DPP6: variants seen among roughly 807,000 people sequenced by gnomAD.
DPP6 encodes the protein dipeptidyl peptidase like 6.
DPP6 carries 69 observed loss-of-function variants against 122.6 expected under a neutral mutation model. That is an observed-to-expected ratio of 0.56 (90% confidence interval 0.46 to 0.69). The LOEUF (loss-of-function observed/expected upper bound fraction) is 0.69. Among genes scored for constraint, DPP6 ranks in the 30% least tolerant of loss-of-function variants. The pLI is 0.00. For synonymous variants in DPP6, 418 were observed against 433.1 expected (o/e 0.97, Z 0.43); for missense variants, 928 against 1,116.9 (o/e 0.83, Z 2.41).
intron 1 of DPP6, among the ~76,000 whole-genome samples, chr7:153,950,325 G>A (rs906586980): frequency 6.6e-6 from 1 of 152,106 alleles, no homozygotes; most frequent in African/African-American, 2.4e-5. Context: ...CAAGAGAGCC[G>A]CTGAAACTTC....
chr7:154,402,798 A>T (rs1052294466), intron 1 of DPP6, among the ~76,000 whole-genome samples: 5 of 151,266 alleles, frequency 3.3e-5, no homozygotes, highest in Non-Finnish European at 5.9e-5. Flanking sequence ...ATAAAAATAA[A>T]ACTCTGGGAT....
At chr7:153,947,267 A>G (rs1271400288) in intron 1 of DPP6, among the ~76,000 whole-genome samples, 2 of 152,046 alleles carry the variant, frequency 1.3e-5, no homozygotes, top group Non-Finnish European at 2.9e-5. Context: ...TTAACAGCGG[A>G]AACCTACTGG....
chr7:154,636,429 T>C (rs533173979), intron 5 of DPP6, among the ~76,000 whole-genome samples: 1 of 152,244 alleles, frequency 6.6e-6, no homozygotes, highest in South Asian at 2.1e-4. Context: ...CCGGCAGAAA[T>C]AGAAAAAGGA....
chr7:153,816,762 G>A, the DPP6 span, among the ~76,000 whole-genome samples: 4 of 151,884 alleles, frequency 2.6e-5, no homozygotes, highest in African/African-American at 9.7e-5. Flanking sequence ...TACTAGGAAT[G>A]CACTCACTCC....
chr7:153,768,718 T>A, the DPP6 span, among the ~76,000 whole-genome samples: 1 of 152,216 alleles, frequency 6.6e-6, no homozygotes. Flanking sequence ...AAATGATTTT[T>A]AAATATATTT....
chr7:154,202,130 A>G (rs570058049), intron 1 of DPP6, among the ~76,000 whole-genome samples: 1 of 152,302 alleles, frequency 6.6e-6, no homozygotes, highest in Non-Finnish European at 1.5e-5. Context: ...ATAAAGCACT[A>G]TATAAAATGC....
chr7:153,859,710 A>G, the DPP6 span, among the ~76,000 whole-genome samples: 14 of 152,016 alleles, frequency 9.2e-5, no homozygotes, highest in Admixed American at 3.3e-4. Context: ...TTTATAAAGA[A>G]AAGAGGTTTA....
Position 154,770,857 on chromosome 7 carries a change from A to G in DPP6, c.1038+1286A>G, listed in dbSNP as rs530131379. On this transcript the variant is annotated intron_variant, in intron 9 of 25. Coordinates refer to ENST00000377770, the MANE Select transcript of DPP6 (RefSeq NM_130797.4). ...AACCTCCACAGCCACTCAGCTGGAGAGAAGCCAGTGCCCGAGTATGGACAC... is the reference window on the plus strand; with the variant it reads ...AACCTCCACAGCCACTCAGCTGGAGGGAAGCCAGTGCCCGAGTATGGACAC... 2.0e-4 allele frequency among the ~76,000 whole-genome samples: 30 copies of G among 152,356 alleles called. No homozygotes were observed. The South Asian group carries it at 5.8e-3, about 29-fold the overall frequency.
chr7:153,839,192 A>G, the DPP6 span, among the ~76,000 whole-genome samples: 1 of 152,234 alleles, frequency 6.6e-6, no homozygotes, highest in African/African-American at 2.4e-5. Context: ...CATTGGAAAC[A>G]ACAAACTATG....
intron 1 of DPP6, among the ~76,000 whole-genome samples, chr7:154,365,838 G>A (rs563434267): frequency 6.6e-6 from 1 of 152,034 alleles, no homozygotes; most frequent in South Asian, 2.1e-4. Context: ...GACGCCTGTA[G>A]TCCCAGCTAC....
chr7:154,869,994 G>A (rs1415247624), intron 18 of DPP6, among the ~76,000 whole-genome samples: 2 of 151,830 alleles, frequency 1.3e-5, no homozygotes, highest in Admixed American at 6.6e-5. Flanking sequence ...GTGTGTCTGT[G>A]TGTGAGACAG....
the DPP6 span, among the ~76,000 whole-genome samples, chr7:153,805,668 C>A: frequency 6.6e-6 from 1 of 152,254 alleles, no homozygotes; most frequent in African/African-American, 2.4e-5. Flanking sequence ...GAATACTATG[C>A]AGCCATAAAA....
chr7:154,736,881 A>G (rs919680467), intron 8 of DPP6, among the ~76,000 whole-genome samples: 3 of 152,202 alleles, frequency 2.0e-5, no homozygotes, highest in African/African-American at 7.2e-5. Context: ...CTCCATGATC[A>G]CTCTTATTAG....
chr7:153,890,710 G>A (rs1215345398), intron 1 of DPP6, among the ~76,000 whole-genome samples: 1 of 30,624 alleles, frequency 3.3e-5, no homozygotes. Flanking sequence ...TTTTTTTTTT[G>A]GAGACAGAGT....
chr7:153,871,385 C>T, the DPP6 span, among the ~76,000 whole-genome samples: 1 of 152,190 alleles, frequency 6.6e-6, no homozygotes, highest in African/African-American at 2.4e-5. Flanking sequence ...TGCCACCTTG[C>T]AGTTTGATCT....
intron 1 of DPP6, among the ~76,000 whole-genome samples, chr7:154,285,421 C>T (rs1481075801): frequency 6.6e-6 from 1 of 152,146 alleles, no homozygotes; most frequent in African/African-American, 2.4e-5. Context: ...CCCGCCACCA[C>T]ACTTGGCTAA....
At chr7:154,154,060 G>A (rs1463262428) in intron 1 of DPP6, among the ~76,000 whole-genome samples, 1 of 152,256 alleles carries the variant, frequency 6.6e-6, no homozygotes, top group Non-Finnish European at 1.5e-5. Flanking sequence ...GCCAGGAGGT[G>A]ACAGGGAAAT....
At chr7:154,430,004 A>T (rs1818227820) in intron 1 of DPP6, among the ~76,000 whole-genome samples, 2 of 152,082 alleles carry the variant, frequency 1.3e-5, no homozygotes, top group Admixed American at 6.6e-5. Flanking sequence ...CCCACCCTCA[A>T]AGAGTCAGAC....
chr7:153,872,196 T>G, the DPP6 span, among the ~76,000 whole-genome samples: 1 of 152,224 alleles, frequency 6.6e-6, no homozygotes, highest in Non-Finnish European at 1.5e-5. Context: ...TGGGTACATG[T>G]ACAGAATGCA....
Sources: gnomAD v4.1 joint callset for allele counts (sites outside exome capture counted in the v4.1 genomes callset) on GRCh38, gnomAD v4.1.1 for gene constraint, MANE v1.5 for transcripts, NCBI Gene and HGNC (gene_info 2026-07-23, HGNC 2026-07-21) for gene names.